ZNF697: variants seen among roughly 807,000 people sequenced by gnomAD.
ZNF697 encodes zinc finger protein 697.
In ZNF697, 23 loss-of-function variants were observed where a neutral mutation model predicts 32.4. The ratio of observed to expected loss-of-function variants is 0.71; its 90% CI spans 0.51 to 1.01. The LOEUF (loss-of-function observed/expected upper bound fraction) is 1.01, where lower values mean the gene tolerates loss of function less well. ZNF697 is among the 50% of genes least tolerant of loss of function. ZNF697 has a pLI of 0.00. For synonymous variants in ZNF697, 418 were observed against 337.2 expected (o/e 1.24, Z -2.62); for missense variants, 930 against 794.0 (o/e 1.17, Z -2.06).
intron 1 of ZNF697, among the ~76,000 whole-genome samples, chr1:119,644,201 A>G (rs587713491): frequency 1.3e-5 from 2 of 152,338 alleles, no homozygotes; most frequent in South Asian, 4.1e-4. Context: ...GGCTACCCAA[A>G]AGAAGTGAGA....
intron 1 of ZNF697, among the ~76,000 whole-genome samples, chr1:119,634,067 T>C (rs1648855419): frequency 6.6e-6 from 1 of 152,344 alleles, no homozygotes; most frequent in South Asian, 2.1e-4. Flanking sequence ...ACAGACAGCC[T>C]TGTTCTGGGA....
intron 1 of ZNF697, among the ~76,000 whole-genome samples, chr1:119,642,237 A>G (rs1649095698): frequency 6.6e-6 from 1 of 152,236 alleles, no homozygotes; most frequent in Non-Finnish European, 1.5e-5. Flanking sequence ...AAATAAGTGC[A>G]GCACAGAAGA....
rs1398062152 is a variant in ZNF697, at chr1:119,621,111, G to A, written c.*1594C>T. The A allele has an allele frequency of 6.6e-6, 1 of 152,156 alleles. No homozygotes were observed. Among genetic ancestry groups the A allele is most frequent in the African/African-American group, 2.4e-5 (1 of 41,440 alleles). 9.4% of individuals were successfully genotyped at this position (152,156 alleles called of 1,614,324 possible). A position where few individuals can be genotyped will look rare whatever the true frequency, so the allele number is the denominator to read the frequency against. On this transcript the variant is annotated 3_prime_UTR_variant, in exon 3 of 3. Coordinates refer to ENST00000421812, the MANE Select transcript of ZNF697 (RefSeq NM_001080470.2). ...CATAGCTAGGATACCCTAATTAGGC[G>A]ACAAAGACCAGCTTTGTCAATAAGG...
chr1:119,624,363 C>A (rs1195954153), intron 2 of ZNF697, among the ~76,000 whole-genome samples: 1 of 78,056 alleles, frequency 1.3e-5, no homozygotes, highest in African/African-American at 7.8e-5. Context: ...CCCAGGCCCC[C>A]CTAGCTGGAC....
Position 119,623,204 on chromosome 1 carries a change from G to A in ZNF697, c.1139C>T (p.Pro380Leu). Reference sequence around the variant, plus strand: ...CTTGCCGCACTCGCCACAGCCGTGCGGCTTCTCGCCCGTGTGGATGCGCTG... The same window carrying A: ...CTTGCCGCACTCGCCACAGCCGTGCAGCTTCTCGCCCGTGTGGATGCGCTG... Reference protein sequence around the residue: ...NHQRIHTGEKPHGCGECGKRF... With the variant: ...NHQRIHTGEKLHGCGECGKRF... Residue 380 changes from proline to leucine, a missense_variant, in exon 3 of 3, where the codon CCG becomes CTG. Physicochemically the swap from Pro to Leu is moderately conservative, Grantham distance 98. Transcript: ENST00000421812. The A allele has an allele frequency of 6.4e-7, 1 of 1,574,532 alleles. No homozygotes were observed. Among genetic ancestry groups the A allele is most frequent in the Non-Finnish European group, 8.6e-7 (1 of 1,160,334 alleles).
rs1329252508 is a variant in ZNF697 at position 119,648,243 on chromosome 1, T to TGGCTGCCC, written c.-598_-591dup. On this transcript the variant is annotated 5_prime_UTR_variant, in exon 1 of 3. Coordinates refer to ENST00000421812, the MANE Select transcript of ZNF697 (RefSeq NM_001080470.2). ...CTGGCTGGCTGGCTGGCTCGCTGGCTGGCTGCCCGGCTGACTCCTCACTGG... is the reference window on the plus strand; with the variant it reads ...CTGGCTGGCTGGCTGGCTCGCTGGCTGGCTGCCCGGCTGCCCGGCTGACTCCTCACTGG... Among the ~76,000 whole-genome samples the TGGCTGCCC allele has an allele frequency of 6.6e-6, 1 of 152,050 alleles. No individual in the cohort carries two copies. Among genetic ancestry groups the TGGCTGCCC allele is most frequent in the African/African-American group, 2.4e-5 (1 of 41,426 alleles).
chr1:119,645,782 AG>A (rs61211789), intron 1 of ZNF697, among the ~76,000 whole-genome samples: 6 of 152,272 alleles, frequency 3.9e-5, no homozygotes, highest in African/African-American at 1.2e-4. Flanking sequence ...GTGAAAGAAA[AG>A]AAAAAAGAAG....
rs1411669807 is a variant in ZNF697, at chr1:119,623,772, A to G, written c.571T>C (p.Cys191Arg). 6.5e-7 allele frequency: 1 copy of G among 1,544,810 alleles called. No homozygotes were observed. The change falls in exon 3 of 3, where the codon TGC (cysteine) becomes CGC (arginine). Residue 191 changes from cysteine (C) to arginine (R), a missense_variant. Coordinates refer to ENST00000421812, the MANE Select transcript of ZNF697 (RefSeq NM_001080470.2). ...CTGAAGCTCTCCCCGCAGTCGGGGC[A>G]GATGGTGGGCGCGTCCATGATGCTG... ...VASIMDAPTI[C>R]PDCGESFSPG... is the part of the protein sequence containing the mutation.
At chr1:119,644,373 G>C (rs1035791222) in intron 1 of ZNF697, among the ~76,000 whole-genome samples, 5 of 152,138 alleles carry the variant, frequency 3.3e-5, no homozygotes, top group African/African-American at 1.2e-4. Flanking sequence ...GATCTATGAA[G>C]AAAACAGTAC....
rs139861758 is a variant in ZNF697, at chr1:119,625,315, C to G, written c.226+560G>C. ...AGTAATGAATGCCCAAAGACAGAAA[C>G]AAGGAGGTGGGTGGAGGCCCAGCAT... On this transcript the variant is annotated intron_variant, in intron 2 of 2. Coordinates refer to ENST00000421812, the MANE Select transcript of ZNF697 (RefSeq NM_001080470.2). Among the ~76,000 whole-genome samples, 6 of 152,250 alleles carry G rather than the reference C, an allele frequency of 3.9e-5. No individual in the cohort carries two copies. In the Middle Eastern group the frequency reaches 0.014, roughly 345 times the overall value.
chr1:119,636,493 G>A (rs1178363251), intron 1 of ZNF697, among the ~76,000 whole-genome samples: 1 of 152,182 alleles, frequency 6.6e-6, no homozygotes, highest in Non-Finnish European at 1.5e-5. Context: ...AGATCTTTTG[G>A]CGTGCTGGTG....
At chr1:119,645,386 A>C (rs1570951386) in intron 1 of ZNF697, among the ~76,000 whole-genome samples, 1 of 152,358 alleles carries the variant, frequency 6.6e-6, no homozygotes, top group East Asian at 1.9e-4. Context: ...TAACACCTAA[A>C]GCAGGTGTCA....
At chr1:119,634,236 G>A (rs1273231220) in intron 1 of ZNF697, among the ~76,000 whole-genome samples, 1 of 152,136 alleles carries the variant, frequency 6.6e-6, no homozygotes, top group East Asian at 1.9e-4. Flanking sequence ...GGGGTGTTGG[G>A]GCCAAAGGAC....
intron 1 of ZNF697, among the ~76,000 whole-genome samples, chr1:119,637,841 G>C (rs960286899): frequency 6.6e-6 from 1 of 152,084 alleles, no homozygotes; most frequent in Non-Finnish European, 1.5e-5. Context: ...GCAGTTGTTT[G>C]AATTAGCATT....
chr1:119,621,103 A>C lies in ZNF697; in HGVS notation c.*1602T>G, dbSNP rs1222313858. 1.3e-5 allele frequency: 2 copies of C among 152,180 alleles called. No individual in the cohort carries two copies. The highest frequency in any genetic ancestry group is 2.9e-5 in the Non-Finnish European group (2 of 67,998). The allele number at this position is 152,180 out of a possible 1,614,324, so 9.4% of individuals were successfully genotyped here. A position where few individuals can be genotyped will look rare whatever the true frequency, so the allele number is the denominator to read the frequency against. The stretch of plus-strand genomic sequence containing the variant: ...AAATGGAACATAGCTAGGATACCCT[A>C]ATTAGGCGACAAAGACCAGCTTTGT... On this transcript the variant is annotated 3_prime_UTR_variant, in exon 3 of 3. Coordinates refer to ENST00000421812, the MANE Select transcript of ZNF697 (RefSeq NM_001080470.2).
intron 1 of ZNF697, among the ~76,000 whole-genome samples, chr1:119,642,519 C>T (rs917124149): frequency 8.5e-5 from 13 of 152,054 alleles, no homozygotes; most frequent in Admixed American, 3.9e-4. Flanking sequence ...CCTAAAACTG[C>T]TCTAAAATAT....
chr1:119,624,340 C>T (rs1189978883), intron 2 of ZNF697, among the ~76,000 whole-genome samples: 3 of 148,348 alleles, frequency 2.0e-5, no homozygotes, highest in African/African-American at 7.6e-5. Flanking sequence ...GTTCTTCAGG[C>T]AGCCTCCTCG....
intron 1 of ZNF697, among the ~76,000 whole-genome samples, chr1:119,646,689 A>G (rs1017125677): frequency 6.6e-6 from 1 of 152,212 alleles, no homozygotes; most frequent in Non-Finnish European, 1.5e-5. Context: ...ACATTAAATA[A>G]TATCCACATG....
rs1423114193 is a variant in ZNF697 at position 119,623,059 on chromosome 1, C to T, written c.1284G>A (p.Lys428=). The change falls in exon 3 of 3, where the codon AAG becomes AAA. Residue 428 remains lysine, a synonymous_variant. Transcript: ENST00000421812. ...FSVSSHLFTH[K]RTHSGERPYV... Reference sequence around the variant, plus strand: ...AGGGCCGCTCACCCGAGTGCGTGCGCTTGTGCGTGAAGAGGTGCGAGCTGA... The same window carrying T: ...AGGGCCGCTCACCCGAGTGCGTGCGTTTGTGCGTGAAGAGGTGCGAGCTGA... 2.5e-6 allele frequency: 4 copies of T among 1,586,208 alleles called. No individual in the cohort carries two copies. Among genetic ancestry groups the T allele is most frequent in the Admixed American group, 3.5e-5 (2 of 56,344 alleles).
Sources: gnomAD v4.1 joint callset for allele counts (sites outside exome capture counted in the v4.1 genomes callset) on GRCh38, gnomAD v4.1.1 for gene constraint, MANE v1.5 for transcripts, NCBI Gene and HGNC (gene_info 2026-07-23, HGNC 2026-07-21) for gene names.